MIER2: variants seen among roughly 807,000 people sequenced by gnomAD.
The protein encoded by MIER2 is mesoderm induction early response protein 2.
MIER2 carries 30 observed loss-of-function variants against 67.6 expected under a neutral mutation model. The ratio of observed to expected loss-of-function variants is 0.44; its 90% CI spans 0.33 to 0.60. MIER2 has a LOEUF of 0.60. Among genes scored for constraint, MIER2 ranks in the 20% least tolerant of loss-of-function variants. MIER2 has a pLI of 0.02. For synonymous variants in MIER2, 372 were observed against 312.6 expected, an observed-to-expected ratio of 1.19 and a Z score of -2.00; for missense variants, 702 against 745.1, an observed-to-expected ratio of 0.94 and a Z score of 0.67.
At chr19:315,936 A>T (rs180805971) in intron 7 of MIER2, among the ~76,000 whole-genome samples, 64 of 152,342 alleles carry the variant, frequency 4.2e-4, no homozygotes, top group Non-Finnish European at 3.8e-4. Flanking sequence ...GAAAGGAAAC[A>T]ACTCTTAGGA....
At chr19:325,808 C>T in intron 6 of MIER2, 104 bp from the exon 7 acceptor site, 1 of 1,191,036 alleles carries the variant, frequency 8.4e-7, no homozygotes, top group Non-Finnish European at 1.2e-6. Context: ...GGGCCACTGT[C>T]CAGACCCCAG....
At chr19:327,353 G>C (rs1971809220) in intron 4 of MIER2, 97 bp from the exon 5 acceptor site, 22 of 1,417,206 alleles carry the variant, frequency 1.6e-5, no homozygotes, top group Non-Finnish European at 1.7e-5. Flanking sequence ...GGAGTGCCCT[G>C]AGGCTCACAT....
intron 1 of MIER2, 166 bp from the exon 2 acceptor site, chr19:336,339 C>A: frequency 3.3e-6 from 2 of 615,212 alleles, no homozygotes; most frequent in South Asian, 4.0e-5. Flanking sequence ...GAGCAGCACA[C>A]GCATGTGGCC....
intron 12 of MIER2, 79 bp from the exon 13 acceptor site, chr19:307,615 G>C: frequency 7.2e-7 from 1 of 1,390,568 alleles, no homozygotes; most frequent in South Asian, 1.7e-5. Context: ...AACTTTGCTG[G>C]GTCCAGCAAA....
chr19:315,136 G>A (rs144025841), intron 7 of MIER2, among the ~76,000 whole-genome samples: 19,708 of 152,072 alleles, frequency 0.13, 1,657 homozygotes, highest in African/African-American at 0.22. Flanking sequence ...AGGCTGAGGC[G>A]GGCGGGTCAC....
chr19:344,004 C>G, intron 1 of MIER2: 1 of 985,438 alleles, frequency 1.0e-6, no homozygotes, highest in Non-Finnish European at 1.2e-6. Context: ...AGTCCAAAAT[C>G]CCACAGATCC....
intron 3 of MIER2, among the ~76,000 whole-genome samples, chr19:330,571 A>C (rs1947515901): frequency 1.3e-5 from 2 of 151,892 alleles, no homozygotes; most frequent in Non-Finnish European, 2.9e-5. Flanking sequence ...AAAAAAAAAA[A>C]AACTTATGAT....
chr19:324,085 G>T (rs1367638049), intron 7 of MIER2, among the ~76,000 whole-genome samples: 1 of 95,762 alleles, frequency 1.0e-5, no homozygotes, highest in African/African-American at 5.1e-5. Context: ...CCACGCAGAC[G>T]ACTCAAAGGA....
chr19:326,562 G>A lies in MIER2; in HGVS notation c.530C>T (p.Ser177Phe), dbSNP rs1252891214. The A allele has an allele frequency of 1.9e-6, 3 of 1,614,144 alleles. No homozygotes were observed. Among genetic ancestry groups the A allele is most frequent in the African/African-American group, 2.7e-5 (2 of 75,030 alleles). ...CTCCTCGGTGTCGGAGGAGGCAGAA[G>A]AGCCAGGCTCTCTGTCTTCATCAGC... ...FLADEDREPGSSASSDTEEDS... is the reference protein window; with the variant it reads ...FLADEDREPGFSASSDTEEDS... Residue 177 changes from serine (S) to phenylalanine (F), a missense_variant, in exon 6 of 14, where the codon TCT (serine) becomes TTT (phenylalanine). Ser to Phe is a radical substitution (Grantham distance 155). Transcript: ENST00000264819.
At chr19:323,301 C>T (rs4897948) in intron 7 of MIER2, among the ~76,000 whole-genome samples, 98,544 of 146,386 alleles carry the variant, frequency 0.67, 32,654 homozygotes, top group African/African-American at 0.75. Flanking sequence ...AGGACCACAA[C>T]GCAATACACA....
intron 7 of MIER2, among the ~76,000 whole-genome samples, chr19:323,143 A>C (rs1971567676): frequency 6.6e-6 from 1 of 151,936 alleles, no homozygotes; most frequent in Admixed American, 6.6e-5. Context: ...TGCAATACAC[A>C]GGACACAACC....
Position 339,636 on chromosome 19 carries a change from C to T in MIER2, c.10-3463G>A, listed in dbSNP as rs530774522. 9.2e-5 allele frequency among the ~76,000 whole-genome samples: 14 copies of T among 152,328 alleles called. No individual in the cohort carries two copies. The South Asian group carries it at 2.1e-3, about 23-fold the overall frequency. On this transcript the variant is annotated intron_variant, in intron 1 of 13. Coordinates refer to ENST00000264819, the MANE Select transcript of MIER2 (RefSeq NM_017550.3). ...CAAAAACAAAACAAAGCACTAGCAA[C>T]GGGGCAAAGAAGGACGCACTGACAC...
At chr19:326,695 A>AGGCC in intron 5 of MIER2, 97 bp from the exon 6 acceptor site, 1 of 978,916 alleles carries the variant, frequency 1.0e-6, no homozygotes, top group Non-Finnish European at 1.6e-6. Context: ...CCTGATCCCC[A>AGGCC]GGCCATAACC....
At chr19:339,684 A>G (rs1391765732) in intron 1 of MIER2, among the ~76,000 whole-genome samples, 1 of 152,224 alleles carries the variant, frequency 6.6e-6, no homozygotes, top group East Asian at 1.9e-4. Context: ...ACGCACCTCG[A>G]AAGACTCATG....
intron 10 of MIER2, 139 bp downstream of exon 10, chr19:311,706 C>T: frequency 1.4e-6 from 1 of 731,962 alleles, no homozygotes; most frequent in Non-Finnish European, 2.3e-6. Context: ...CAGAAGACAG[C>T]AATGGGCACA....
intron 1 of MIER2, among the ~76,000 whole-genome samples, chr19:342,252 G>A (rs1257272811): frequency 1.3e-5 from 2 of 152,144 alleles, no homozygotes; most frequent in East Asian, 1.9e-4. Context: ...TGAGAAACAA[G>A]TTCCACCTGC....
At chr19:320,400 G>GATAA (rs1284772911) in intron 7 of MIER2, among the ~76,000 whole-genome samples, 1 of 151,260 alleles carries the variant, frequency 6.6e-6, no homozygotes, top group Non-Finnish European at 1.5e-5. Flanking sequence ...TAGATAGATA[G>GATAA]ATAAATAAAT....
chr19:327,805 C>T, intron 4 of MIER2, 59 bp downstream of exon 4: 1 of 1,596,698 alleles, frequency 6.3e-7, no homozygotes, highest in Non-Finnish European at 8.5e-7. Context: ...TGCAGAGAGG[C>T]AGCGCCAGGC....
intron 5 of MIER2, 121 bp from the exon 6 acceptor site, chr19:326,719 G>A (rs1238510258): frequency 2.5e-6 from 2 of 801,626 alleles, no homozygotes; most frequent in Non-Finnish European, 4.2e-6. Context: ...TCTCTGGCCA[G>A]ACATTGGGTA....
Sources: allele counts gnomAD v4.1 joint callset (sites outside exome capture counted in the v4.1 genomes callset), GRCh38; gene constraint gnomAD v4.1.1; transcripts MANE v1.5; gene names NCBI Gene and HGNC (gene_info 2026-07-23, HGNC 2026-07-21).